Variants in EYS observed in about 807,000 individuals in gnomAD.
EYS encodes the protein EGF-like photoreceptor maintenance factor.
Under a neutral mutation model 282.1 loss-of-function variants are expected in EYS, and 250 were observed. The ratio of observed to expected loss-of-function variants is 0.89; its 90% CI spans 0.80 to 0.98. The LOEUF is 0.98. Ranked by LOEUF, EYS falls within the 50% of genes least tolerant of loss-of-function variation. The pLI, the probability that EYS is intolerant of heterozygous loss-of-function variation, is 0.00. For missense variants in EYS, 4,016 were observed against 3,709.0 expected (o/e 1.08, Z -2.15); for synonymous variants, 1,355 against 1,282.9 (o/e 1.06, Z -1.20).
At chr6:64,463,373 G>A (rs1329814751) in intron 26 of EYS, among the ~76,000 whole-genome samples, 1 of 152,158 alleles carries the variant, frequency 6.6e-6, no homozygotes, top group African/African-American at 2.4e-5. Context: ...TAGGCCTGTA[G>A]TCAGCTATCC....
At chr6:64,699,773 A>G (rs563645758) in intron 22 of EYS, among the ~76,000 whole-genome samples, 1 of 152,204 alleles carries the variant, frequency 6.6e-6, no homozygotes, top group African/African-American at 2.4e-5. Context: ...TCTACAAAGA[A>G]AAACTGGTAC....
chr6:65,555,666 G>A (rs933195282), intron 2 of EYS, among the ~76,000 whole-genome samples: 4 of 152,046 alleles, frequency 2.6e-5, no homozygotes, highest in Non-Finnish European at 5.9e-5. Flanking sequence ...TTGTCTAGCC[G>A]AATTTTGTTG....
chr6:64,857,217 C>G (rs1490140934), intron 19 of EYS, among the ~76,000 whole-genome samples: 2 of 152,120 alleles, frequency 1.3e-5, no homozygotes, highest in African/African-American at 4.8e-5. Flanking sequence ...AATACATGCA[C>G]TGAATGCCAT....
chr6:65,353,651 C>CT, intron 8 of EYS, 34 bp from the exon 9 acceptor site: 1 of 1,578,434 alleles, frequency 6.3e-7, no homozygotes, highest in Admixed American at 1.7e-5. Context: ...ATGGTAAATT[C>CT]TTTTTTGATA....
At chr6:63,995,042 A>T (rs1562139250) in intron 34 of EYS, among the ~76,000 whole-genome samples, 1 of 152,044 alleles carries the variant, frequency 6.6e-6, no homozygotes, top group Non-Finnish European at 1.5e-5. Flanking sequence ...TGTCAAAAAA[A>T]GCTTCTGTGC....
intron 12 of EYS, among the ~76,000 whole-genome samples, chr6:65,151,220 A>C (rs2150215312): frequency 6.6e-6 from 1 of 152,180 alleles, no homozygotes; most frequent in South Asian, 2.1e-4. Context: ...AAATGCTCCA[A>C]GCATCAGAAA....
At chr6:64,166,934 A>C (rs542974134) in intron 31 of EYS, among the ~76,000 whole-genome samples, 1 of 152,352 alleles carries the variant, frequency 6.6e-6, no homozygotes, top group Admixed American at 6.5e-5. Flanking sequence ...TCACTGTGAT[A>C]AAAATTTTGC....
At chr6:63,958,861 T>A (rs6930179) in intron 35 of EYS, among the ~76,000 whole-genome samples, 2,348 of 152,026 alleles carry the variant, frequency 0.015, 63 homozygotes, top group African/African-American at 0.053. Context: ...ACTATTGAGA[T>A]CTACTGCTCA....
intron 26 of EYS, among the ~76,000 whole-genome samples, chr6:64,588,043 A>G (rs1434589584): frequency 2.0e-5 from 3 of 152,218 alleles, no homozygotes; most frequent in Non-Finnish European, 4.4e-5. Context: ...AAGATTAATT[A>G]GACTAGATGG....
intron 42 of EYS, among the ~76,000 whole-genome samples, chr6:63,723,792 AT>A (rs1768503619): frequency 1.1e-4 from 1 of 9,152 alleles, no homozygotes; most frequent in Non-Finnish European, 3.8e-4. Context: ...CATTGGCATT[AT>A]TATTATTATT....
At chr6:65,139,923 G>C (rs1764285917) in intron 12 of EYS, among the ~76,000 whole-genome samples, 1 of 152,062 alleles carries the variant, frequency 6.6e-6, no homozygotes, top group African/African-American at 2.4e-5. Context: ...AGCAGTGTCA[G>C]AGGATGCCAG....
At chr6:64,376,348 A>C (rs1473181473) in intron 29 of EYS, among the ~76,000 whole-genome samples, 2 of 152,156 alleles carry the variant, frequency 1.3e-5, no homozygotes, top group African/African-American at 4.8e-5. Context: ...TACAGACAAA[A>C]TGGGGTCTGG....
chr6:65,112,571 G>C (rs2150189920), intron 12 of EYS, among the ~76,000 whole-genome samples: 1 of 152,138 alleles, frequency 6.6e-6, no homozygotes, highest in East Asian at 1.9e-4. Context: ...TCAATAAATA[G>C]CTTACATTAC....
intron 22 of EYS, among the ~76,000 whole-genome samples, chr6:64,716,923 G>A (rs1468882128): frequency 6.6e-6 from 1 of 152,156 alleles, no homozygotes; most frequent in Non-Finnish European, 1.5e-5. Flanking sequence ...ATCGCCTGTA[G>A]CAATGAACTC....
intron 19 of EYS, among the ~76,000 whole-genome samples, chr6:64,876,721 A>G (rs1766761379): frequency 6.6e-6 from 1 of 152,156 alleles, no homozygotes. Context: ...AGAAACTTCT[A>G]TACAAAGCCT....
intron 41 of EYS, among the ~76,000 whole-genome samples, chr6:63,748,065 A>G (rs1287339574): frequency 6.6e-6 from 1 of 152,128 alleles, no homozygotes; most frequent in Non-Finnish European, 1.5e-5. Flanking sequence ...ATAATTTGGT[A>G]TGTTTTTGCA....
intron 14 of EYS, among the ~76,000 whole-genome samples, chr6:64,978,292 C>T (rs1038113011): frequency 2.0e-5 from 3 of 151,856 alleles, no homozygotes; most frequent in Non-Finnish European, 4.4e-5. Flanking sequence ...TATGCTAGAT[C>T]CAGTCTTCCT....
intron 26 of EYS, among the ~76,000 whole-genome samples, chr6:64,588,049 G>C (rs1241504519): frequency 6.6e-6 from 1 of 152,006 alleles, no homozygotes; most frequent in African/African-American, 2.4e-5. Flanking sequence ...AATTAGACTA[G>C]ATGGTATTTG....
intron 12 of EYS, among the ~76,000 whole-genome samples, chr6:65,067,793 A>G (rs1388406133): frequency 6.6e-6 from 1 of 152,098 alleles, no homozygotes; most frequent in African/African-American, 2.4e-5. Flanking sequence ...CCATGTTTTT[A>G]AAAAATATTT....
Sources: allele counts gnomAD v4.1 joint callset (sites outside exome capture counted in the v4.1 genomes callset), GRCh38; gene constraint gnomAD v4.1.1; transcripts MANE v1.5; gene names NCBI Gene and HGNC (gene_info 2026-07-23, HGNC 2026-07-21).